The following GNG7 variants were observed in gnomAD, a reference collection of about 807,000 sequenced individuals.
The protein encoded by GNG7 is guanine nucleotide-binding protein G(I)/G(S)/G(O) subunit gamma-7.
Under a neutral mutation model 4.0 loss-of-function variants are expected in GNG7, and 1 was observed. The ratio of observed to expected loss-of-function variants is 0.25; its 90% CI spans 0.09 to 1.18. The LOEUF is 1.18. Among genes scored for constraint, GNG7 ranks in the 50% most tolerant of loss-of-function variants. The pLI, the probability that GNG7 is intolerant of heterozygous loss-of-function variation, is 0.50. For synonymous variants in GNG7, 34 were observed against 36.9 expected (o/e 0.92, Z 0.29); for missense variants, 86 against 91.9 (o/e 0.94, Z 0.26).
intron 1 of GNG7, among the ~76,000 whole-genome samples, chr19:2,672,693 G>A (rs1336323458): frequency 2.0e-5 from 3 of 152,104 alleles, no homozygotes; most frequent in Admixed American, 6.5e-5. Context: ...TGATTTGCCC[G>A]CCTCGACCTC....
chr19:2,566,652 A>G (rs1441673834), intron 2 of GNG7, among the ~76,000 whole-genome samples: 1 of 151,978 alleles, frequency 6.6e-6, no homozygotes, highest in Admixed American at 6.6e-5. Flanking sequence ...GGTTGGCAAC[A>G]TTTTCCTGTA....
chr19:2,698,774 A>G (rs182693547), intron 1 of GNG7, among the ~76,000 whole-genome samples: 11 of 146,548 alleles, frequency 7.5e-5, no homozygotes, highest in Non-Finnish European at 1.6e-4. Context: ...GTTTTCCACT[A>G]CTATCGGTGA....
At chr19:2,554,157 T>C (rs1042539941) in intron 3 of GNG7, among the ~76,000 whole-genome samples, 1 of 145,126 alleles carries the variant, frequency 6.9e-6, no homozygotes, top group African/African-American at 2.5e-5. Flanking sequence ...CTATAATATA[T>C]TATATATAAT....
intron 3 of GNG7, among the ~76,000 whole-genome samples, chr19:2,531,303 C>CAGA (rs1273013815): frequency 1.6e-4 from 15 of 95,076 alleles, no homozygotes; most frequent in African/African-American, 6.7e-4. Context: ...GATTCCGTCT[C>CAGA]AAAAAAAAAA....
intron 2 of GNG7, among the ~76,000 whole-genome samples, chr19:2,573,570 A>G (rs1420414530): frequency 6.6e-6 from 1 of 151,826 alleles, no homozygotes; most frequent in African/African-American, 2.4e-5. Flanking sequence ...TAATCCCAGC[A>G]GTTTCGGAGG....
At chr19:2,669,360 CAT>C (rs1983392273) in intron 1 of GNG7, among the ~76,000 whole-genome samples, 7 of 152,034 alleles carry the variant, frequency 4.6e-5, no homozygotes, top group Non-Finnish European at 1.0e-4. Flanking sequence ...CGTGGTGGTG[CAT>C]GCCTGTAATC....
At chr19:2,616,279 C>T (rs1031389640) in intron 2 of GNG7, among the ~76,000 whole-genome samples, 1 of 152,130 alleles carries the variant, frequency 6.6e-6, no homozygotes, top group Admixed American at 6.6e-5. Flanking sequence ...GAGTCTCGCT[C>T]TGCTGCCCAG....
chr19:2,538,479 A>G (rs963348840), intron 3 of GNG7: 20 of 348,730 alleles, frequency 5.7e-5, no homozygotes, highest in African/African-American at 4.3e-4. Context: ...AAAAAAAAAA[A>G]AATTAGCCTG....
At chr19:2,696,300 A>AAG (rs1384835679) in intron 1 of GNG7, among the ~76,000 whole-genome samples, 5 of 102,086 alleles carry the variant, frequency 4.9e-5, no homozygotes, top group Non-Finnish European at 1.1e-4. Flanking sequence ...GAGAGAAAGA[A>AAG]AGAAAGAAAG....
intron 1 of GNG7, among the ~76,000 whole-genome samples, chr19:2,655,662 CT>C (rs1266227552): frequency 6.6e-6 from 1 of 151,778 alleles, no homozygotes; most frequent in African/African-American, 2.4e-5. Flanking sequence ...CACAGTGAAA[CT>C]TTGTCTCTAC....
intron 3 of GNG7, among the ~76,000 whole-genome samples, chr19:2,532,154 A>AAAG (rs1978613765): frequency 7.2e-5 from 3 of 41,746 alleles, no homozygotes; most frequent in Admixed American, 6.0e-4. Context: ...CCGTCTCAAA[A>AAAG]AAAAAAACAA....
chr19:2,590,436 T>TCCATCCAC, intron 2 of GNG7, among the ~76,000 whole-genome samples: 1 of 149,050 alleles, frequency 6.7e-6, no homozygotes. Flanking sequence ...TATCTATTCA[T>TCCATCCAC]CCATCCACCC....
chr19:2,678,140 G>A (rs1174977741), intron 1 of GNG7, among the ~76,000 whole-genome samples: 3 of 152,204 alleles, frequency 2.0e-5, no homozygotes, highest in Admixed American at 6.5e-5. Flanking sequence ...ACCTTCCACT[G>A]TGGCCCTGAG....
At chr19:2,572,320 A>AT (rs1205698626) in intron 2 of GNG7, among the ~76,000 whole-genome samples, 4 of 151,806 alleles carry the variant, frequency 2.6e-5, no homozygotes, top group South Asian at 2.1e-4. Flanking sequence ...TGCTTGCTTA[A>AT]TTTTTTTGTT....
At chr19:2,594,180 G>A (rs2144804530) in intron 2 of GNG7, among the ~76,000 whole-genome samples, 1 of 152,182 alleles carries the variant, frequency 6.6e-6, no homozygotes, top group East Asian at 1.9e-4. Flanking sequence ...AGACCAGCCT[G>A]GCCAACATGG....
chr19:2,647,342 C>T lies in GNG7; in HGVS notation c.-134-1062G>A, dbSNP rs983625504. ...TCGCTGCTGGGGATGTGGCGTGTCC[C>T]GCGTGACACATGGGGAGAGGGCCTG... On this transcript the variant is annotated intron_variant, in intron 1 of 4. Transcript: ENST00000382159. Among the ~76,000 whole-genome samples the T allele has an allele frequency of 4.6e-5, 7 of 152,108 alleles. No homozygotes were observed. In the East Asian group the frequency reaches 7.7e-4, roughly 17 times the overall value.
At chr19:2,698,126 G>A (rs1445010350) in intron 1 of GNG7, among the ~76,000 whole-genome samples, 2 of 151,236 alleles carry the variant, frequency 1.3e-5, no homozygotes, top group African/African-American at 4.9e-5. Flanking sequence ...AATTAGCTGG[G>A]TGTGGTGGTG....
At chr19:2,676,521 C>T (rs1983596764) in intron 1 of GNG7, among the ~76,000 whole-genome samples, 1 of 152,200 alleles carries the variant, frequency 6.6e-6, no homozygotes, top group African/African-American at 2.4e-5. Context: ...AAGCGATCCT[C>T]CCACCTCAGC....
At position 2,612,980 on chromosome 19, in the gene GNG7, C is replaced by T. The variant is rs8112242; in HGVS notation, c.-78+33244G>A. On this transcript the variant is annotated intron_variant, in intron 2 of 4. Transcript: ENST00000382159. ...GTGTTGAGATTACAGATGTGAACAA[C>T]GGTGCCTGGCCAACGTCGGACATTT... Among the ~76,000 whole-genome samples, 566 of 152,202 alleles carry T rather than the reference C, an allele frequency of 3.7e-3. 5 individuals are homozygous for T. Among genetic ancestry groups the T allele is most frequent in the African/African-American group, 0.013 (534 of 41,520 alleles).
Sources: gnomAD v4.1 joint callset for allele counts (sites outside exome capture counted in the v4.1 genomes callset) on GRCh38, gnomAD v4.1.1 for gene constraint, MANE v1.5 for transcripts, NCBI Gene and HGNC (gene_info 2026-07-23, HGNC 2026-07-21) for gene names.